The following TTC29 variants were observed in gnomAD, a reference collection of about 807,000 sequenced individuals.
TTC29 encodes tetratricopeptide repeat domain 29.
Under a neutral mutation model 58.1 loss-of-function variants are expected in TTC29, and 49 were observed. The ratio of observed to expected loss-of-function variants is 0.84; its 90% CI spans 0.67 to 1.07. TTC29 has a LOEUF of 1.07. Ranked by LOEUF, TTC29 falls within the 50% of genes least tolerant of loss-of-function variation. TTC29 has a pLI of 0.00. For missense variants in TTC29, 582 were observed against 555.6 expected (o/e 1.05, Z -0.48); for synonymous variants, 209 against 196.8 (o/e 1.06, Z -0.52).
chr4:146,720,765 G>A (rs1743296244), intron 11 of TTC29, among the ~76,000 whole-genome samples: 1 of 151,996 alleles, frequency 6.6e-6, no homozygotes, highest in African/African-American at 2.4e-5. Flanking sequence ...TAATGAATAA[G>A]ACAGAGATTC....
At chr4:146,885,551 G>T (rs978707210) in intron 6 of TTC29, among the ~76,000 whole-genome samples, 3 of 151,836 alleles carry the variant, frequency 2.0e-5, no homozygotes, top group Non-Finnish European at 4.4e-5. Flanking sequence ...CAATATTTTT[G>T]GGGGGATATA....
At chr4:146,836,734 A>T (rs561043267) in intron 8 of TTC29, among the ~76,000 whole-genome samples, 1 of 152,188 alleles carries the variant, frequency 6.6e-6, no homozygotes, top group Non-Finnish European at 1.5e-5. Context: ...GCCAACATGC[A>T]TATGGAAAAA....
chr4:146,893,584 A>C (rs1732538384), intron 6 of TTC29, among the ~76,000 whole-genome samples: 1 of 152,210 alleles, frequency 6.6e-6, no homozygotes, highest in Non-Finnish European at 1.5e-5. Flanking sequence ...AAAACCCTGG[A>C]AGAAAACCTA....
intron 11 of TTC29, among the ~76,000 whole-genome samples, chr4:146,755,682 A>G (rs983993299): frequency 1.3e-5 from 2 of 150,772 alleles, no homozygotes; most frequent in African/African-American, 5.0e-5. Flanking sequence ...TCATGATAGT[A>G]ACTTTTTTTA....
chr4:146,799,461 A>G (rs1461445056), intron 11 of TTC29, among the ~76,000 whole-genome samples: 2 of 152,182 alleles, frequency 1.3e-5, no homozygotes, highest in Admixed American at 6.5e-5. Flanking sequence ...TATTAAGCCC[A>G]GGGACCCACA....
intron 11 of TTC29, among the ~76,000 whole-genome samples, chr4:146,762,830 T>C (rs1473708575): frequency 6.6e-6 from 1 of 152,044 alleles, no homozygotes; most frequent in Non-Finnish European, 1.5e-5. Flanking sequence ...TTTTTATTTA[T>C]TTCAAAAAAA....
intron 11 of TTC29, among the ~76,000 whole-genome samples, chr4:146,713,404 G>A (rs1024791273): frequency 9.9e-5 from 15 of 151,888 alleles, no homozygotes; most frequent in African/African-American, 3.6e-4. Context: ...AGATTATAGA[G>A]TTAATCTCAC....
chr4:146,759,688 A>T (rs1253690251), intron 11 of TTC29, among the ~76,000 whole-genome samples: 2 of 152,174 alleles, frequency 1.3e-5, no homozygotes, highest in African/African-American at 2.4e-5. Flanking sequence ...CAAAAATCAC[A>T]TGATCATTTC....
chr4:146,760,326 C>G (rs907531356), intron 11 of TTC29, among the ~76,000 whole-genome samples: 4 of 151,762 alleles, frequency 2.6e-5, no homozygotes, highest in African/African-American at 9.7e-5. Context: ...TGCTCATGGA[C>G]GGGTAGAATC....
In TTC29 at chr4:146,902,208, T is replaced by C. The variant is rs567216312; in HGVS notation, c.586+1336A>G. On this transcript the variant is annotated intron_variant, in intron 6 of 12. Coordinates refer to ENST00000325106, the MANE Select transcript of TTC29 (RefSeq NM_031956.4). ...AGTTTGTATCACAGACAGACTGATA[T>C]CACACTCCTTTCCTTGCCCTCCGTG... Among the ~76,000 whole-genome samples, 4 of 152,284 alleles carry C rather than the reference T, an allele frequency of 2.6e-5. No individual in the cohort carries two copies. The South Asian group carries it at 6.2e-4, about 24-fold the overall frequency.
intron 5 of TTC29, among the ~76,000 whole-genome samples, chr4:146,908,521 G>C (rs1733677682): frequency 6.6e-6 from 1 of 152,108 alleles, no homozygotes. Context: ...ATTTGCAATT[G>C]TGAATTGCAG....
In TTC29 at chr4:146,874,765, G is replaced by T. The variant is rs763399136; in HGVS notation, c.750C>A (p.Tyr250Ter). 2 of 1,609,342 alleles carry T rather than the reference G, an allele frequency of 1.2e-6. No individual in the cohort carries two copies. Among genetic ancestry groups the T allele is most frequent in the Non-Finnish European group, 8.5e-7 (1 of 1,178,102 alleles). Residue 250 changes from tyrosine to a stop codon, truncating the protein, a stop_gained, in exon 7 of 13, where the codon TAC becomes TAA. Transcript: ENST00000325106. LOFTEE classifies it high-confidence loss of function. ...LSDKMLENKE[Y>*]KQAIKILIKA... Reference sequence around the variant, plus strand: ...TTATTAGAATTTTGATGGCCTGTTTGTATTCTTTATTTTCTAGCATTTTGT... The same window carrying T: ...TTATTAGAATTTTGATGGCCTGTTTTTATTCTTTATTTTCTAGCATTTTGT...
intron 8 of TTC29, among the ~76,000 whole-genome samples, chr4:146,839,138 T>C (rs1728689734): frequency 1.3e-5 from 2 of 152,008 alleles, no homozygotes; most frequent in African/African-American, 4.8e-5. Flanking sequence ...GATGACTTTT[T>C]TCATAATGAT....
At chr4:146,896,215 T>C (rs753714317) in intron 6 of TTC29, among the ~76,000 whole-genome samples, 1 of 152,200 alleles carries the variant, frequency 6.6e-6, no homozygotes, top group African/African-American at 2.4e-5. Context: ...GTATTCATAA[T>C]GCAGTTTCTG....
At chr4:146,777,460 C>T (rs181520883) in intron 11 of TTC29, among the ~76,000 whole-genome samples, 1 of 151,830 alleles carries the variant, frequency 6.6e-6, no homozygotes, top group East Asian at 1.9e-4. Flanking sequence ...ATTTATTAGA[C>T]AAAAATGTCT....
At chr4:146,919,145 A>G (rs1245981979) in intron 4 of TTC29, among the ~76,000 whole-genome samples, 2 of 151,204 alleles carry the variant, frequency 1.3e-5, no homozygotes, top group East Asian at 1.9e-4. Context: ...ACATGGAAAG[A>G]TATTAAATGA....
chr4:146,755,035 C>G (rs1378848062), intron 11 of TTC29, among the ~76,000 whole-genome samples: 1 of 151,992 alleles, frequency 6.6e-6, no homozygotes. Flanking sequence ...TAAATAGAAT[C>G]AGTAAAATTG....
chr4:146,940,664 C>T (rs894995553), intron 2 of TTC29, among the ~76,000 whole-genome samples: 46 of 152,182 alleles, frequency 3.0e-4, no homozygotes, highest in African/African-American at 1.1e-3. Context: ...GTGGTTGATG[C>T]TGTTAGCTGG....
chr4:146,728,213 G>T (rs1024827772), intron 11 of TTC29, among the ~76,000 whole-genome samples: 4 of 151,800 alleles, frequency 2.6e-5, no homozygotes, highest in African/African-American at 9.7e-5. Context: ...CCTGAACATG[G>T]AGGCAAAGGT....
Sources: allele counts gnomAD v4.1 joint callset (sites outside exome capture counted in the v4.1 genomes callset), GRCh38; gene constraint gnomAD v4.1.1; transcripts MANE v1.5; gene names NCBI Gene and HGNC (gene_info 2026-07-23, HGNC 2026-07-21).